The following SRGAP1 variants were observed in gnomAD, a reference collection of about 807,000 sequenced individuals.
SRGAP1 encodes the protein SLIT-ROBO Rho GTPase-activating protein 1.
A neutral mutation model predicts 121.9 loss-of-function variants in SRGAP1; 43 were observed. The ratio of observed to expected loss-of-function variants is 0.35; its 90% CI spans 0.28 to 0.46. The LOEUF (loss-of-function observed/expected upper bound fraction) is 0.46. Ranked by LOEUF, SRGAP1 falls within the 20% of genes least tolerant of loss-of-function variation. The pLI, the probability that SRGAP1 is intolerant of heterozygous loss-of-function variation, is 1.00. For missense variants in SRGAP1, 1,102 were observed against 1,350.9 expected (o/e 0.82, Z 2.89); for synonymous variants, 447 against 485.4 (o/e 0.92, Z 1.04).
In SRGAP1 at chr12:64,145,776, C is replaced by T. The variant is rs1311041895; in HGVS notation, c.*3104C>T. The stretch of plus-strand genomic sequence containing the variant: ...CAGCCCTTCTTTATAGCCACAGAGG[C>T]AGCACACAGGGGAGGTGGGAAGACA... On this transcript the variant is annotated 3_prime_UTR_variant, in exon 22 of 22. Coordinates refer to ENST00000355086, the MANE Select transcript of SRGAP1 (RefSeq NM_020762.4). 6.6e-6 allele frequency: 1 copy of T among 152,198 alleles called. No homozygotes were observed. The highest frequency in any genetic ancestry group is 1.9e-4 in the East Asian group (1 of 5,172). The allele number at this position is 152,198 out of a possible 1,614,324, so 9.4% of individuals were successfully genotyped here.
intron 2 of SRGAP1, among the ~76,000 whole-genome samples, chr12:63,989,090 G>A (rs921159882): frequency 1.4e-4 from 21 of 152,208 alleles, no homozygotes; most frequent in Admixed American, 6.5e-4. Context: ...GATTATAGGC[G>A]TGAGCCACCA....
intron 1 of SRGAP1, among the ~76,000 whole-genome samples, chr12:63,899,266 C>A (rs573384474): frequency 4.0e-5 from 6 of 151,728 alleles, no homozygotes. Flanking sequence ...CCTGTGGTCC[C>A]GGCTACTCCA....
chr12:64,151,417 T>C lies in SRGAP1; in HGVS notation c.*8745T>C, dbSNP rs1331967009. On this transcript the variant is annotated 3_prime_UTR_variant, in exon 22 of 22. Coordinates refer to ENST00000355086, the MANE Select transcript of SRGAP1 (RefSeq NM_020762.4). ...GAGTGAGCCTGTTTGAAGGTTTTGT[T>C]TTTTTTTCAATTGAATGTTATGTTG... 2.6e-5 allele frequency: 4 copies of C among 152,072 alleles called. No homozygotes were observed. Among genetic ancestry groups the C allele is most frequent in the African/African-American group, 2.4e-5 (1 of 41,374 alleles). The allele number at this position is 152,072 out of a possible 1,614,324, so 9.4% of individuals were successfully genotyped here. A position where few individuals can be genotyped will look rare whatever the true frequency, so the allele number is the denominator to read the frequency against.
chr12:63,976,283 C>G (rs1382502888), intron 1 of SRGAP1, among the ~76,000 whole-genome samples: 1 of 152,198 alleles, frequency 6.6e-6, no homozygotes, highest in Non-Finnish European at 1.5e-5. Context: ...AGACCTCCTA[C>G]CCATCCAGAA....
intron 1 of SRGAP1, among the ~76,000 whole-genome samples, chr12:63,894,023 A>G (rs1462346609): frequency 1.3e-5 from 2 of 152,290 alleles, no homozygotes; most frequent in Admixed American, 6.5e-5. Flanking sequence ...ATTTTTTAGT[A>G]GAGACGGGGT....
At chr12:64,116,098 A>G (rs1295647056) in intron 18 of SRGAP1, 16 of 499,964 alleles carry the variant, frequency 3.2e-5, no homozygotes, top group South Asian at 3.1e-4. Flanking sequence ...CTACAAAAAA[A>G]TACAAAAAAT....
intron 1 of SRGAP1, among the ~76,000 whole-genome samples, chr12:63,917,086 T>A (rs143971001): frequency 6.6e-6 from 1 of 152,202 alleles, no homozygotes; most frequent in Non-Finnish European, 1.5e-5. Flanking sequence ...GATTTAGTCA[T>A]ATTGCAAGCT....
intron 1 of SRGAP1, among the ~76,000 whole-genome samples, chr12:63,968,924 A>G (rs1231567556): frequency 6.6e-6 from 1 of 152,170 alleles, no homozygotes; most frequent in Admixed American, 6.5e-5. Context: ...ATCCATTCAG[A>G]CAGCTTTCTG....
chr12:64,044,127 A>C (rs557479698), intron 6 of SRGAP1, among the ~76,000 whole-genome samples: 2 of 152,344 alleles, frequency 1.3e-5, no homozygotes, highest in East Asian at 3.9e-4. Flanking sequence ...ATAGGATATG[A>C]TATAAAAAAG....
chr12:63,913,456 T>TATATATATATATATATATATGG (rs756540822), intron 1 of SRGAP1, among the ~76,000 whole-genome samples: 7 of 92,900 alleles, frequency 7.5e-5, no homozygotes, highest in East Asian at 3.8e-4. Flanking sequence ...TGTGTCCACA[T>TATATATATATATATATATATGG]ATATATATAT....
chr12:63,912,977 C>T (rs1296316858), intron 1 of SRGAP1, among the ~76,000 whole-genome samples: 2 of 152,004 alleles, frequency 1.3e-5, no homozygotes, highest in Non-Finnish European at 2.9e-5. Context: ...CAAGTGCTTT[C>T]CTTAGTCCTC....
At chr12:64,068,521 G>A (rs12825328) in intron 8 of SRGAP1, among the ~76,000 whole-genome samples, 150,426 of 150,482 alleles carry the variant, frequency 1, 75,185 homozygotes, top group Middle Eastern at 1. Flanking sequence ...TTTTCATAGA[G>A]ACAGGGTTTC....
intron 1 of SRGAP1, among the ~76,000 whole-genome samples, chr12:63,868,368 C>T (rs1049457509): frequency 6.6e-6 from 1 of 151,970 alleles, no homozygotes; most frequent in African/African-American, 2.4e-5. Context: ...CAGGCGTGAG[C>T]CACCGCGCCT....
In SRGAP1 at chr12:64,155,422, T is replaced by C. The variant is rs1252831753; in HGVS notation, c.*12750T>C. 1 of 151,548 alleles carries C rather than the reference T, an allele frequency of 6.6e-6. No homozygotes were observed. 9.4% of individuals were successfully genotyped at this position (151,548 alleles called of 1,614,324 possible). A position where few individuals can be genotyped will look rare whatever the true frequency, so the allele number is the denominator to read the frequency against. On this transcript the variant is annotated 3_prime_UTR_variant, in exon 22 of 22. Transcript: ENST00000355086. Reference sequence around the variant, plus strand: ...AGCCGGGTGTGGTGGCGCCCGCCTATAGTCCCAGCTGTTCGGGAGGCTGAG... The same window carrying C: ...AGCCGGGTGTGGTGGCGCCCGCCTACAGTCCCAGCTGTTCGGGAGGCTGAG...
intron 1 of SRGAP1, among the ~76,000 whole-genome samples, chr12:63,910,663 A>G (rs1185001849): frequency 1.3e-5 from 2 of 152,212 alleles, no homozygotes; most frequent in Non-Finnish European, 2.9e-5. Context: ...TCTATAAGAC[A>G]TGGTAGGGAG....
At chr12:63,947,292 A>G (rs1372279366) in intron 1 of SRGAP1, among the ~76,000 whole-genome samples, 1 of 152,170 alleles carries the variant, frequency 6.6e-6, no homozygotes, top group Non-Finnish European at 1.5e-5. Flanking sequence ...TTCATCACCA[A>G]CATTTGGTAT....
chr12:64,072,441 A>G (rs1365172199), intron 8 of SRGAP1, among the ~76,000 whole-genome samples: 3 of 152,126 alleles, frequency 2.0e-5, no homozygotes, highest in Non-Finnish European at 4.4e-5. Flanking sequence ...CCAGTGACTA[A>G]GAATGTGATC....
At chr12:63,862,012 T>C (rs2136267709) in intron 1 of SRGAP1, among the ~76,000 whole-genome samples, 1 of 152,062 alleles carries the variant, frequency 6.6e-6, no homozygotes, top group African/African-American at 2.4e-5. Context: ...TCCCAGCTAC[T>C]CAGGAGGCTG....
intron 1 of SRGAP1, among the ~76,000 whole-genome samples, chr12:63,896,826 G>A (rs950154687): frequency 1.3e-5 from 2 of 152,160 alleles, no homozygotes; most frequent in East Asian, 1.9e-4. Flanking sequence ...GAATGCTAAC[G>A]CTGTGGGTTG....
Sources: allele counts gnomAD v4.1 joint callset (sites outside exome capture counted in the v4.1 genomes callset), GRCh38; gene constraint gnomAD v4.1.1; transcripts MANE v1.5; gene names NCBI Gene and HGNC (gene_info 2026-07-23, HGNC 2026-07-21).